TEKTL1: variants seen among roughly 807,000 people sequenced by gnomAD.
TEKTL1 encodes the protein tektin-like protein 1.
At chr19:15,022,952 TG>T in the TEKTL1 span, 10 of 1,612,846 alleles carry the variant, frequency 6.2e-6, no homozygotes, top group Admixed American at 1.7e-5. Flanking sequence ...GAACCTCAGC[TG>T]GGGCCTCAAC....
the TEKTL1 span, among the ~76,000 whole-genome samples, chr19:15,017,461 A>G: frequency 6.6e-6 from 1 of 152,120 alleles, no homozygotes; most frequent in Non-Finnish European, 1.5e-5. Context: ...TTTATTGTGG[A>G]GGAAGTAAGA....
the TEKTL1 span, chr19:15,023,211 G>A: frequency 1.6e-4 from 183 of 1,171,662 alleles, no homozygotes; most frequent in South Asian, 5.2e-4. Flanking sequence ...CCTCTCCCCT[G>A]ACGCACCCTC....
the TEKTL1 span, chr19:15,020,410 T>G: frequency 2.0e-6 from 3 of 1,524,960 alleles, no homozygotes; most frequent in Non-Finnish European, 1.8e-6. Context: ...TGCATCCACT[T>G]CCCTCAACCT....
chr19:15,012,245 A>C, the TEKTL1 span, among the ~76,000 whole-genome samples: 1 of 151,986 alleles, frequency 6.6e-6, no homozygotes, highest in Non-Finnish European at 1.5e-5. Context: ...TGGGCAACAC[A>C]GTGAGATCCC....
At chr19:15,023,242 G>A in the TEKTL1 span, 175 of 821,476 alleles carry the variant, frequency 2.1e-4, no homozygotes, top group Non-Finnish European at 2.9e-4. Flanking sequence ...CCCTCTAGGA[G>A]AATTATAATT....
At chr19:15,022,849 G>A in the TEKTL1 span, 1 of 1,570,154 alleles carries the variant, frequency 6.4e-7, no homozygotes, top group Non-Finnish European at 8.6e-7. Flanking sequence ...TGGCTCACGG[G>A]TCTGCCCTGC....
chr19:15,013,605 C>T, the TEKTL1 span: 10 of 1,242,060 alleles, frequency 8.1e-6, no homozygotes, highest in Non-Finnish European at 1.2e-5. Context: ...CCTCTACCAC[C>T]CTGGAAAGAG....
At chr19:15,022,750 C>T in the TEKTL1 span, 1 of 1,002,482 alleles carries the variant, frequency 1.0e-6, no homozygotes, top group Admixed American at 3.0e-5. Context: ...CACACCTGGC[C>T]CATTCAGATG....
the TEKTL1 span, chr19:15,021,591 T>TC: frequency 1.9e-6 from 3 of 1,613,258 alleles, no homozygotes; most frequent in Non-Finnish European, 2.5e-6. Flanking sequence ...GCCAGCGTGA[T>TC]CCCCCTGCGC....
the TEKTL1 span, chr19:15,021,437 A>T: frequency 2.5e-6 from 4 of 1,614,202 alleles, no homozygotes; most frequent in Non-Finnish European, 3.4e-6. Flanking sequence ...AACGAGGTGG[A>T]CGTCCGGGAG....
chr19:15,023,110 G>A, the TEKTL1 span: 20 of 1,600,850 alleles, frequency 1.2e-5, no homozygotes, highest in Non-Finnish European at 1.7e-5. Flanking sequence ...AGAGCAGCGC[G>A]GACCCCTAGT....
the TEKTL1 span, chr19:15,013,532 C>T: frequency 3.2e-6 from 2 of 623,660 alleles, no homozygotes; most frequent in Non-Finnish European, 5.5e-6. Context: ...AGACACCCCA[C>T]CCAAAGGATG....
the TEKTL1 span, chr19:15,021,637 G>C: frequency 6.2e-7 from 1 of 1,614,122 alleles, no homozygotes; most frequent in East Asian, 2.2e-5. Context: ...TATGACGTTA[G>C]GACTGATGAG....
chr19:15,020,009 T>C, the TEKTL1 span, among the ~76,000 whole-genome samples: 1 of 117,168 alleles, frequency 8.5e-6, no homozygotes, highest in South Asian at 2.7e-4. Context: ...CCTTTACCAG[T>C]ATCAAAAAAA....
the TEKTL1 span, among the ~76,000 whole-genome samples, chr19:15,013,956 G>C: frequency 6.6e-6 from 1 of 152,090 alleles, no homozygotes; most frequent in Non-Finnish European, 1.5e-5. Context: ...GATGACGTTG[G>C]GTCTCAGAAT....
At chr19:15,016,585 T>A in the TEKTL1 span, among the ~76,000 whole-genome samples, 2 of 152,188 alleles carry the variant, frequency 1.3e-5, no homozygotes, top group Admixed American at 6.5e-5. Context: ...AACAAAAGAC[T>A]TTTTAAGTCT....
chr19:15,015,631 T>A, the TEKTL1 span, among the ~76,000 whole-genome samples: 1 of 152,114 alleles, frequency 6.6e-6, no homozygotes, highest in Non-Finnish European at 1.5e-5. Flanking sequence ...TGGGTACAGA[T>A]CTGTTGGGAT....
the TEKTL1 span, chr19:15,021,465 C>T: frequency 6.2e-7 from 1 of 1,614,100 alleles, no homozygotes; most frequent in African/African-American, 1.3e-5. Flanking sequence ...TGCAGATAAG[C>T]GACCGTGTGT....
the TEKTL1 span, chr19:15,022,978 G>A: frequency 4.5e-5 from 73 of 1,613,374 alleles, no homozygotes; most frequent in African/African-American, 7.9e-4. Flanking sequence ...AGAACATCGG[G>A]CATGAGGTGG....
Sources: gnomAD v4.1 joint callset for allele counts (sites outside exome capture counted in the v4.1 genomes callset) on GRCh38, gnomAD v4.1.1 for gene constraint, MANE v1.5 for transcripts, NCBI Gene and HGNC (gene_info 2026-07-23, HGNC 2026-07-21) for gene names.